The following RIOX1 variants were observed in gnomAD, a reference collection of about 807,000 sequenced individuals.
The protein encoded by RIOX1 is 60S ribosomal protein L8 histidine hydroxylase.
Under a neutral mutation model 44.6 loss-of-function variants are expected in RIOX1, and 33 were observed. The ratio of observed to expected loss-of-function variants is 0.74; its 90% CI spans 0.56 to 0.99. The LOEUF (loss-of-function observed/expected upper bound fraction) is 0.99. RIOX1 is among the 50% of genes least tolerant of loss of function. The pLI is 0.00. For synonymous variants in RIOX1, 387 were observed against 395.8 expected (o/e 0.98, Z 0.26); for missense variants, 821 against 871.7 (o/e 0.94, Z 0.73).
At position 73,493,259 on chromosome 14, in the gene RIOX1, C is replaced by A; in HGVS notation, c.*316C>A. 1.4e-6 allele frequency: 1 copy of A among 690,256 alleles called. No homozygotes were observed. Among genetic ancestry groups the A allele is most frequent in the Non-Finnish European group, 2.5e-6 (1 of 404,584 alleles). The allele number at this position is 690,256 out of a possible 1,614,324, so 42.8% of individuals were successfully genotyped here. ...ACTGACCATGTCGTTCTGCTTGAGA[C>A]AGATATTAGATTTTTTTTGGAATTT... On this transcript the variant is annotated 3_prime_UTR_variant, in exon 1 of 1. Transcript: ENST00000304061.
rs1885828077 is a variant in RIOX1, at chr14:73,492,388, C to T, written c.1371C>T (p.Asp457=). The change falls in exon 1 of 1, where the codon GAC becomes GAT. Residue 457 remains aspartate (D), a synonymous_variant. Coordinates refer to ENST00000304061, the MANE Select transcript of RIOX1 (RefSeq NM_024644.5). This position sits in a 1 kb window ranked among gnomAD's most constrained non-coding sequence, Gnocchi z 4.9. ...AGTTTCGGAGGGGTCTGCCCCGAGA[C>T]TTCATGGATTACATGGGGGCCCAGC... The part of the protein sequence containing the change: ...NVEFRRGLPR[D]FMDYMGAQHS... 1.2e-6 allele frequency: 2 copies of T among 1,613,886 alleles called. No individual in the cohort carries two copies. Among genetic ancestry groups the T allele is most frequent in the Non-Finnish European group, 1.7e-6 (2 of 1,179,798 alleles).
rs375354682 is a variant in RIOX1, at chr14:73,491,033, G to A, written c.16G>A (p.Ala6Thr). 246 of 1,560,352 alleles carry A rather than the reference G, an allele frequency of 1.6e-4. No individual in the cohort carries two copies. The African/African-American group carries it at 3.1e-3, about 20-fold the overall frequency. The stretch of plus-strand genomic sequence containing the variant: ...TGGTCTGGCCATGGATGGGCTCCAG[G>A]CCAGTGCAGGGCCGTTGAGGCGCGG... MDGLQ[A>T]SAGPLRRGRP... Residue 6 changes from alanine to threonine, a missense_variant, in exon 1 of 1, where the codon GCC (alanine) becomes ACC (threonine). Physicochemically the swap from Ala to Thr is moderately conservative, Grantham distance 58. Transcript: ENST00000304061.
Position 73,491,627 on chromosome 14 carries a change from C to T in RIOX1, c.610C>T (p.Arg204Cys). ...CCCCAGCAGCCGGCGGCGAGCGGCC[C>T]GCCTCTTTGAGTGGCTCATCGCGCC... ...RIPSSRRRAA[R>C]LFEWLIAPMP... Residue 204 changes from arginine to cysteine, a missense_variant, in exon 1 of 1, where the codon CGC becomes TGC. Transcript: ENST00000304061. 6.5e-7 allele frequency: 1 copy of T among 1,549,390 alleles called. No homozygotes were observed.
chr14:73,492,923 A>T lies in RIOX1; in HGVS notation c.1906A>T (p.Met636Leu). 1.9e-6 allele frequency: 3 copies of T among 1,612,938 alleles called. No individual in the cohort carries two copies. The highest frequency in any genetic ancestry group is 2.5e-6 in the Non-Finnish European group (3 of 1,179,656). Residue 636 changes from methionine (M) to leucine (L), a missense_variant, in exon 1 of 1, where the codon ATG (methionine) becomes TTG (leucine). Met to Leu is a conservative substitution (Grantham distance 15, BLOSUM62 2). This residue lies in a region of RIOX1 where 267 missense variants were observed against 340.5 expected (regional missense o/e 0.78). Coordinates refer to ENST00000304061, the MANE Select transcript of RIOX1 (RefSeq NM_024644.5). This position sits in a 1 kb window ranked among gnomAD's most constrained non-coding sequence, Gnocchi z 4.9. ...TGATAAGGGGCTGCTGCTCACTAAGATGCCTCTAGCCCTAAATTAGTTTCT... is the reference window on the plus strand; with the variant it reads ...TGATAAGGGGCTGCTGCTCACTAAGTTGCCTCTAGCCCTAAATTAGTTTCT... ...LYDKGLLLTKMPLALN is the reference protein window; with the variant it reads ...LYDKGLLLTKLPLALN
In RIOX1 at chr14:73,492,113, A is replaced by T; in HGVS notation, c.1096A>T (p.Thr366Ser). The change falls in exon 1 of 1, where the codon ACC (threonine) becomes TCC (serine). Residue 366 changes from threonine (T) to serine (S), a missense_variant. Thr to Ser is a moderately conservative substitution (Grantham distance 58). This residue lies in a region of RIOX1 where 554 missense variants were observed against 531.2 expected (regional missense o/e 1.04). Coordinates refer to ENST00000304061, the MANE Select transcript of RIOX1 (RefSeq NM_024644.5). This position sits in a 1 kb window ranked among gnomAD's most constrained non-coding sequence, Gnocchi z 4.9. ...GCGTGTATACCGACCCCGAGTCCCAACCGAGGAACTGGCTCTGACATCCAG... is the reference window on the plus strand; with the variant it reads ...GCGTGTATACCGACCCCGAGTCCCATCCGAGGAACTGGCTCTGACATCCAG... ...LWRVYRPRVP[T>S]EELALTSSPN... is the part of the protein sequence containing the mutation. The T allele has an allele frequency of 6.2e-7, 1 of 1,613,876 alleles. No individual in the cohort carries two copies. The highest frequency in any genetic ancestry group is 8.5e-7 in the Non-Finnish European group (1 of 1,179,830).
chr14:73,491,386 G>T lies in RIOX1; in HGVS notation c.369G>T (p.Val123=). Residue 123 remains valine, a synonymous_variant, in exon 1 of 1, where the codon GTG becomes GTT. Coordinates refer to ENST00000304061, the MANE Select transcript of RIOX1 (RefSeq NM_024644.5). ...RSLQTPSARL[V]PASAPPARLV... is the part of the protein sequence containing the mutation. ...TGCAGACCCCGTCGGCGCGCCTGGT[G>T]CCCGCTTCCGCGCCGCCCGCGCGCC... 2 of 1,351,888 alleles carry T rather than the reference G, an allele frequency of 1.5e-6. No homozygotes were observed. Among genetic ancestry groups the T allele is most frequent in the Non-Finnish European group, 1.9e-6 (2 of 1,060,076 alleles). The allele number at this position is 1,351,888 out of a possible 1,614,324, so 83.7% of individuals were successfully genotyped here. A position where few individuals can be genotyped will look rare whatever the true frequency, so the allele number is the denominator to read the frequency against.
Position 73,491,215 on chromosome 14 carries a change from G to C in RIOX1, c.198G>C (p.Ser66=). Residue 66 remains serine, a synonymous_variant, in exon 1 of 1, where the codon TCG becomes TCC. Coordinates refer to ENST00000304061, the MANE Select transcript of RIOX1 (RefSeq NM_024644.5). ...QTLPSENSEE[S]RVESTADDLG... ...TGCCTAGCGAGAACTCGGAGGAATC[G>C]AGGGTGGAGTCGACGGCCGACGACC... The C allele has an allele frequency of 6.3e-7, 1 of 1,591,926 alleles. No individual in the cohort carries two copies. The highest frequency in any genetic ancestry group is 8.6e-7 in the Non-Finnish European group (1 of 1,167,550).
chr14:73,493,053 T>C lies in RIOX1; in HGVS notation c.*110T>C, dbSNP rs1885888804. ...GTTCTTACCTTGATAAGCATCAGTG[T>C]GCTCACATTTACCTTTATCACTGCT... On this transcript the variant is annotated 3_prime_UTR_variant, in exon 1 of 1. Coordinates refer to ENST00000304061, the MANE Select transcript of RIOX1 (RefSeq NM_024644.5). 6.2e-7 allele frequency: 1 copy of C among 1,611,020 alleles called. No individual in the cohort carries two copies. The highest frequency in any genetic ancestry group is 8.5e-7 in the Non-Finnish European group (1 of 1,178,468).
At position 73,491,476 on chromosome 14, in the gene RIOX1, A is replaced by G. The variant is rs904495257; in HGVS notation, c.459A>G (p.Gln153=). 2 of 1,494,054 alleles carry G rather than the reference A, an allele frequency of 1.3e-6. No individual in the cohort carries two copies. Among genetic ancestry groups the G allele is most frequent in the African/African-American group, 1.4e-5 (1 of 71,402 alleles). 92.5% of individuals were successfully genotyped at this position (1,494,054 alleles called of 1,614,324 possible). The change falls in exon 1 of 1, where the codon CAA becomes CAG. Residue 153 remains glutamine, a synonymous_variant. Transcript: ENST00000304061. Reference sequence around the variant, plus strand: ...CCTCGGCCCTGCTGTGCACCGCGCAACACTTAGCGGCCGTCCAGTCGTCCG... The same window carrying G: ...CCTCGGCCCTGCTGTGCACCGCGCAGCACTTAGCGGCCGTCCAGTCGTCCG... The part of the protein sequence containing the change: ...VETSALLCTA[Q]HLAAVQSSGA...
chr14:73,491,557 C>G lies in RIOX1; in HGVS notation c.540C>G (p.Ala180=). The G allele has an allele frequency of 3.9e-6, 6 of 1,539,054 alleles. No homozygotes were observed. Among genetic ancestry groups the G allele is most frequent in the Non-Finnish European group, 5.2e-6 (6 of 1,144,620 alleles). The change falls in exon 1 of 1, where the codon GCC becomes GCG. Residue 180 remains alanine, a synonymous_variant. Transcript: ENST00000304061. ...TGGATAACACGGGTGGGGAGCCGGC[C>G]TGGGACTCCCCGCTGCGGCGCGTCT... is the stretch of plus-strand genomic sequence containing the variant. ...PQVDNTGGEP[A]WDSPLRRVLA...
rs868025844 is a variant in RIOX1 at position 73,490,935 on chromosome 14, A to T, written c.-83A>T. 2.2e-4 allele frequency: 275 copies of T among 1,266,136 alleles called. No homozygotes were observed. In the Middle Eastern group the frequency reaches 5.5e-3, roughly 25 times the overall value. 78.4% of individuals were successfully genotyped at this position (1,266,136 alleles called of 1,614,324 possible). A position where few individuals can be genotyped will look rare whatever the true frequency, so the allele number is the denominator to read the frequency against. ...GCTGGAGGCCGCGCCCCCTTCCCAG[A>T]GTGCACCGCAGCCGCTGCATTCAGG... On this transcript the variant is annotated 5_prime_UTR_variant, in exon 1 of 1. Coordinates refer to ENST00000304061, the MANE Select transcript of RIOX1 (RefSeq NM_024644.5).
At position 73,491,409 on chromosome 14, in the gene RIOX1, G is replaced by T; in HGVS notation, c.392G>T (p.Arg131Leu). The T allele has an allele frequency of 7.4e-7, 1 of 1,343,958 alleles. No individual in the cohort carries two copies. Among genetic ancestry groups the T allele is most frequent in the Non-Finnish European group, 9.5e-7 (1 of 1,056,384 alleles). 83.3% of individuals were successfully genotyped at this position (1,343,958 alleles called of 1,614,324 possible). A position where few individuals can be genotyped will look rare whatever the true frequency, so the allele number is the denominator to read the frequency against. Residue 131 changes from arginine (R) to leucine (L), a missense_variant, in exon 1 of 1, where the codon CGC becomes CTC. Arg to Leu is a moderately radical substitution (Grantham distance 102, BLOSUM62 -2). Transcript: ENST00000304061. ...GTGCCCGCTTCCGCGCCGCCCGCGC[G>T]CCTGGTGGAGGTGCCCGCCGCGCCG... is the stretch of plus-strand genomic sequence containing the variant. ...RLVPASAPPA[R>L]LVEVPAAPVR...
rs913662193 is a variant in RIOX1 at position 73,491,702 on chromosome 14, C to A, written c.685C>A (p.Leu229Met). Residue 229 changes from leucine to methionine, a missense_variant, in exon 1 of 1, where the codon CTG becomes ATG. By Grantham distance (15) the Leu-to-Met change is conservative. Transcript: ENST00000304061. ...GCGCCTATGGGAGCGCGAGGCGGTG[C>A]TGGTGCGGCGGCAGGACCACACCTA... ...YRRLWEREAV[L>M]VRRQDHTYYQ... The A allele has an allele frequency of 6.5e-6, 10 of 1,550,358 alleles. No homozygotes were observed. In the Admixed American group the frequency reaches 1.2e-4, roughly 18 times the overall value.
chr14:73,493,315 C>T lies in RIOX1; in HGVS notation c.*372C>T, dbSNP rs56834978. The T allele has an allele frequency of 1.0e-3, 583 of 564,968 alleles. 3 individuals carry two copies. The highest frequency in any genetic ancestry group is 0.01 in the African/African-American group (527 of 52,384). The allele number at this position is 564,968 out of a possible 1,614,324, so 35.0% of individuals were successfully genotyped here. A position where few individuals can be genotyped will look rare whatever the true frequency, so the allele number is the denominator to read the frequency against. ...TTTCATCTGAGTTCTTTTTCATGGG[C>T]GGGTCGGGGTCAGTATCCTGTTTGT... On this transcript the variant is annotated 3_prime_UTR_variant, in exon 1 of 1. Transcript: ENST00000304061.
At position 73,492,915 on chromosome 14, in the gene RIOX1, T is replaced by C. The variant is rs1488055559; in HGVS notation, c.1898T>C (p.Leu633Pro). Residue 633 changes from leucine to proline, a missense_variant, in exon 1 of 1, where the codon CTC becomes CCC. By Grantham distance (98) the Leu-to-Pro change is moderately conservative. Coordinates refer to ENST00000304061, the MANE Select transcript of RIOX1 (RefSeq NM_024644.5). This position sits in a 1 kb window ranked among gnomAD's most constrained non-coding sequence, Gnocchi z 4.9. The part of the protein sequence containing the change: ...ATTLYDKGLL[L>P]TKMPLALN ...ACGTTGTATGATAAGGGGCTGCTGCTCACTAAGATGCCTCTAGCCCTAAAT... is the reference window on the plus strand; with the variant it reads ...ACGTTGTATGATAAGGGGCTGCTGCCCACTAAGATGCCTCTAGCCCTAAAT... 1 of 1,613,474 alleles carries C rather than the reference T, an allele frequency of 6.2e-7. No homozygotes were observed. The highest frequency in any genetic ancestry group is 1.1e-5 in the South Asian group (1 of 91,062).
In RIOX1 at chr14:73,492,815, G is replaced by T. The variant is rs750383577; in HGVS notation, c.1798G>T (p.Gly600Cys). ...QQADAMELLL[G>C]SYPEFVRVGD... is the part of the protein sequence containing the mutation. ...AGCTGATGCCATGGAACTGTTGCTT[G>T]GTTCTTATCCAGAGTTTGTGAGAGT... The change falls in exon 1 of 1, where the codon GGT becomes TGT. Residue 600 changes from glycine to cysteine, a missense_variant. This residue lies in a region of RIOX1 where 267 missense variants were observed against 340.5 expected (regional missense o/e 0.78). Coordinates refer to ENST00000304061, the MANE Select transcript of RIOX1 (RefSeq NM_024644.5). The surrounding 1 kb of genome is among the most constrained non-coding windows in gnomAD (Gnocchi z 4.9). 3.1e-6 allele frequency: 5 copies of T among 1,613,804 alleles called. No homozygotes were observed. Among genetic ancestry groups the T allele is most frequent in the Non-Finnish European group, 4.2e-6 (5 of 1,179,892 alleles).
At position 73,491,616 on chromosome 14, in the gene RIOX1, G is replaced by A. The variant is rs1885749451; in HGVS notation, c.599G>A (p.Arg200Gln). Reference sequence around the variant, plus strand: ...CTGAACCGCATCCCCAGCAGCCGGCGGCGAGCGGCCCGCCTCTTTGAGTGG... The same window carrying A: ...CTGAACCGCATCCCCAGCAGCCGGCAGCGAGCGGCCCGCCTCTTTGAGTGG... The part of the protein sequence containing the change: ...AELNRIPSSR[R>Q]RAARLFEWLI... The change falls in exon 1 of 1, where the codon CGG becomes CAG. Residue 200 changes from arginine to glutamine, a missense_variant. Transcript: ENST00000304061. 6.5e-7 allele frequency: 1 copy of A among 1,547,542 alleles called. No individual in the cohort carries two copies. Among genetic ancestry groups the A allele is most frequent in the Non-Finnish European group, 8.7e-7 (1 of 1,146,422 alleles).
At position 73,491,116 on chromosome 14, in the gene RIOX1, C is replaced by T; in HGVS notation, c.99C>T (p.Pro33=). The part of the protein sequence containing the change: ...QPHSGSVLAL[P]LRSRKIRKQL... ...ACAGCGGGTCGGTCCTGGCCCTGCCCTTGAGGTCCAGGAAGATACGAAAGC... is the reference window on the plus strand; with the variant it reads ...ACAGCGGGTCGGTCCTGGCCCTGCCTTTGAGGTCCAGGAAGATACGAAAGC... The change falls in exon 1 of 1, where the codon CCC becomes CCT. Residue 33 remains proline, a synonymous_variant. Transcript: ENST00000304061. 1.2e-6 allele frequency: 2 copies of T among 1,607,068 alleles called. No homozygotes were observed. Among genetic ancestry groups the T allele is most frequent in the South Asian group, 1.1e-5 (1 of 89,452 alleles).
chr14:73,492,783 C>T lies in RIOX1; in HGVS notation c.1766C>T (p.Pro589Leu), dbSNP rs1281716787. ...GAACCCAAGTGCTTGGAAATATACC[C>T]CCAGCAAGCTGATGCCATGGAACTG... ...LEEPKCLEIY[P>L]QQADAMELLL... Residue 589 changes from proline (P) to leucine (L), a missense_variant, in exon 1 of 1, where the codon CCC (proline) becomes CTC (leucine). Coordinates refer to ENST00000304061, the MANE Select transcript of RIOX1 (RefSeq NM_024644.5). This position sits in a 1 kb window ranked among gnomAD's most constrained non-coding sequence, Gnocchi z 4.9. The T allele has an allele frequency of 1.9e-6, 3 of 1,613,796 alleles. No individual in the cohort carries two copies. The highest frequency in any genetic ancestry group is 2.5e-6 in the Non-Finnish European group (3 of 1,179,890).
Sources: gnomAD v4.1 joint callset for allele counts on GRCh38, gnomAD v4.1.1 for gene constraint, gnomAD v4.1.1 regional missense constraint, Gnocchi (gnomAD v3.1) non-coding constraint, MANE v1.5 for transcripts, NCBI Gene and HGNC (gene_info 2026-07-23, HGNC 2026-07-21) for gene names.